PAQR8: variants seen among roughly 807,000 people sequenced by gnomAD.
The protein encoded by PAQR8 is progestin and adipoQ receptor family member 8.
PAQR8 carries 17 observed loss-of-function variants against 25.2 expected under a neutral mutation model. The ratio of observed to expected loss-of-function variants is 0.67; its 90% CI spans 0.46 to 1.01. The LOEUF is 1.01. Among genes scored for constraint, PAQR8 ranks in the 50% least tolerant of loss-of-function variants. The pLI is 0.00. For synonymous variants in PAQR8, 204 were observed against 190.6 expected, an observed-to-expected ratio of 1.07 and a Z score of -0.58; for missense variants, 392 against 448.4, an observed-to-expected ratio of 0.87 and a Z score of 1.14.
intron 1 of PAQR8, among the ~76,000 whole-genome samples, chr6:52,376,905 A>G (rs944680775): frequency 2.6e-5 from 4 of 152,202 alleles, no homozygotes; most frequent in Non-Finnish European, 5.9e-5. Flanking sequence ...AGTAGATACT[A>G]TAATCCTTTG....
chr6:52,403,387 G>A lies in PAQR8; in HGVS notation c.174G>A (p.Thr58=), dbSNP rs1453431277. ...EPYIRTGYRP[T]GHEWRYYFFS... ...ACATCCGCACCGGCTACCGCCCCAC[G>A]GGGCACGAGTGGCGCTACTACTTCT... Residue 58 remains threonine, a synonymous_variant, in exon 2 of 2, where the codon ACG becomes ACA. Coordinates refer to ENST00000442253, the MANE Select transcript of PAQR8 (RefSeq NM_133367.5). 1.7e-5 allele frequency: 27 copies of A among 1,614,114 alleles called. No homozygotes were observed. Among genetic ancestry groups the A allele is most frequent in the South Asian group, 2.2e-5 (2 of 91,094 alleles).
chr6:52,404,449 A>T lies in PAQR8; in HGVS notation c.*171A>T. The stretch of plus-strand genomic sequence containing the variant: ...AGGATTTAAGAGTTTTGTTGTTGTT[A>T]ATAAAAGGAATACTCCTTTTCCTTT... On this transcript the variant is annotated 3_prime_UTR_variant, in exon 2 of 2. Transcript: ENST00000442253. The T allele has an allele frequency of 1.5e-6, 1 of 655,668 alleles. No homozygotes were observed. Among genetic ancestry groups the T allele is most frequent in the Non-Finnish European group, 2.6e-6 (1 of 387,516 alleles). 40.6% of individuals were successfully genotyped at this position (655,668 alleles called of 1,614,324 possible).
At chr6:52,388,689 G>C (rs898494670) in intron 1 of PAQR8, among the ~76,000 whole-genome samples, 1 of 152,190 alleles carries the variant, frequency 6.6e-6, no homozygotes, top group African/African-American at 2.4e-5. Flanking sequence ...GACTTTTGCA[G>C]CCTCTAGAAA....
chr6:52,381,108 T>C (rs1763554000), intron 1 of PAQR8, among the ~76,000 whole-genome samples: 1 of 152,058 alleles, frequency 6.6e-6, no homozygotes, highest in Non-Finnish European at 1.5e-5. Context: ...ACCTTTGCTT[T>C]TCCCCAATCC....
chr6:52,364,083 GTTTT>G (rs67846872), intron 1 of PAQR8, among the ~76,000 whole-genome samples: 7 of 84,268 alleles, frequency 8.3e-5, no homozygotes, highest in African/African-American at 2.8e-4. Context: ...TGAAAGATAT[GTTTT>G]TTTTTTTTTT....
intron 1 of PAQR8, among the ~76,000 whole-genome samples, chr6:52,368,444 G>A (rs924869643): frequency 1.3e-5 from 2 of 151,896 alleles, no homozygotes; most frequent in Non-Finnish European, 2.9e-5. Context: ...TGTGAGTTGA[G>A]GGTCAAGGAC....
intron 1 of PAQR8, among the ~76,000 whole-genome samples, chr6:52,387,290 C>T (rs989459372): frequency 1.3e-5 from 2 of 152,206 alleles, no homozygotes; most frequent in African/African-American, 4.8e-5. Flanking sequence ...CAAGCACTAT[C>T]TTCTCATCTA....
In PAQR8 at chr6:52,402,149, A is replaced by G. The variant is rs75439665; in HGVS notation, c.-52-1013A>G. Among the ~76,000 whole-genome samples, 376 of 152,276 alleles carry G rather than the reference A, an allele frequency of 2.5e-3. 1 individual carries two copies. The highest frequency in any genetic ancestry group is 8.8e-3 in the African/African-American group (365 of 41,536). On this transcript the variant is annotated intron_variant, in intron 1 of 1. Transcript: ENST00000442253. ...GAGGATGAGGTGGGAAGATCATTTG[A>G]GGTTAGAAGTTCGAGACCAGCCTGG...
At chr6:52,399,176 A>G (rs1237180580) in intron 1 of PAQR8, among the ~76,000 whole-genome samples, 1 of 152,160 alleles carries the variant, frequency 6.6e-6, no homozygotes, top group Admixed American at 6.5e-5. Flanking sequence ...TAGTTCTATA[A>G]ATCTCTTCCT....
chr6:52,390,713 T>C (rs1763696582), intron 1 of PAQR8, among the ~76,000 whole-genome samples: 1 of 152,176 alleles, frequency 6.6e-6, no homozygotes, highest in African/African-American at 2.4e-5. Context: ...TTACATATTT[T>C]TTTCCCTTTA....
At chr6:52,399,248 G>T (rs1763803544) in intron 1 of PAQR8, among the ~76,000 whole-genome samples, 1 of 152,106 alleles carries the variant, frequency 6.6e-6, no homozygotes, top group Admixed American at 6.6e-5. Context: ...TCAACATAAA[G>T]TCATGAGGGA....
intron 1 of PAQR8, among the ~76,000 whole-genome samples, chr6:52,392,923 G>T (rs948602884): frequency 8.5e-5 from 13 of 152,214 alleles, no homozygotes; most frequent in Non-Finnish European, 1.6e-4. Flanking sequence ...CAGTGTCAAA[G>T]ATCTGAGAAA....
rs147277288 is a variant in PAQR8 at position 52,394,797 on chromosome 6, T to A, written c.-52-8365T>A. Among the ~76,000 whole-genome samples, 40 of 152,344 alleles carry A rather than the reference T, an allele frequency of 2.6e-4. No homozygotes were observed. The East Asian group carries it at 7.7e-3, about 29-fold the overall frequency. On this transcript the variant is annotated intron_variant, in intron 1 of 1. Coordinates refer to ENST00000442253, the MANE Select transcript of PAQR8 (RefSeq NM_133367.5). ...GTTTACTGGGCTATAACCCATCATA[T>A]GTCAAGGAACATCTGTATTTAGCTT... is the stretch of plus-strand genomic sequence containing the variant.
chr6:52,380,748 T>G (rs906867477), intron 1 of PAQR8, among the ~76,000 whole-genome samples: 3 of 152,192 alleles, frequency 2.0e-5, no homozygotes, highest in African/African-American at 7.2e-5. Flanking sequence ...AATCCTTACT[T>G]CATGTATTCT....
intron 1 of PAQR8, among the ~76,000 whole-genome samples, chr6:52,374,872 C>G (rs1041900028): frequency 2.0e-5 from 3 of 151,364 alleles, no homozygotes; most frequent in Admixed American, 2.0e-4. Flanking sequence ...CTAGAAATTC[C>G]ACCTTTGGCT....
chr6:52,391,919 T>C (rs1208569253), intron 1 of PAQR8, among the ~76,000 whole-genome samples: 1 of 152,202 alleles, frequency 6.6e-6, no homozygotes, highest in Non-Finnish European at 1.5e-5. Flanking sequence ...TGTCACAGGA[T>C]CTGTTTGTTG....
At chr6:52,383,318 A>T (rs918800978) in intron 1 of PAQR8, among the ~76,000 whole-genome samples, 8 of 152,266 alleles carry the variant, frequency 5.3e-5, no homozygotes, top group African/African-American at 1.9e-4. Context: ...TAGAACAGTG[A>T]TTCTCAAACC....
intron 1 of PAQR8, among the ~76,000 whole-genome samples, chr6:52,369,988 G>C (rs1462167764): frequency 6.6e-6 from 1 of 152,110 alleles, no homozygotes; most frequent in Non-Finnish European, 1.5e-5. Flanking sequence ...TTTCAAGAAA[G>C]TAGAAACTGA....
At position 52,404,210 on chromosome 6, in the gene PAQR8, T is replaced by G; in HGVS notation, c.997T>G (p.Cys333Gly). 6.2e-7 allele frequency: 1 copy of G among 1,613,736 alleles called. No individual in the cohort carries two copies. The highest frequency in any genetic ancestry group is 8.5e-7 in the Non-Finnish European group (1 of 1,179,720). The change falls in exon 2 of 2, where the codon TGC becomes GGC. Residue 333 changes from cysteine (C) to glycine (G), a missense_variant. Transcript: ENST00000442253. ...ACLSFFFLAA[C>G]SAATAALLRH... ...CCTCTCCTTCTTCTTCCTGGCTGCC[T>G]GCAGTGCTGCCACCGCAGCCCTTCT...
Sources: gnomAD v4.1 joint callset for allele counts (sites outside exome capture counted in the v4.1 genomes callset) on GRCh38, gnomAD v4.1.1 for gene constraint, MANE v1.5 for transcripts, NCBI Gene and HGNC (gene_info 2026-07-23, HGNC 2026-07-21) for gene names.